JAK1: variants seen among roughly 807,000 people sequenced by gnomAD.
The protein encoded by JAK1 is tyrosine-protein kinase JAK1.
In JAK1, 16 loss-of-function variants were observed where a neutral mutation model predicts 136.6. The observed-to-expected ratio is 0.12, with a 90% CI of 0.08 to 0.18. The LOEUF is 0.18. JAK1 is among the 10% of genes least tolerant of loss of function. The pLI is 1.00. For synonymous variants in JAK1, 492 were observed against 519.5 expected (o/e 0.95, Z 0.72); for missense variants, 859 against 1,450.1 (o/e 0.59, Z 6.62).
intron 7 of JAK1, 72 bp downstream of exon 7, chr1:64,866,794 C>A: frequency 1.8e-6 from 2 of 1,138,898 alleles, no homozygotes; most frequent in Middle Eastern, 2.0e-4. Flanking sequence ...ACAGATGACT[C>A]CAGAAGGATA....
In JAK1 at chr1:64,931,037, T is replaced by A. The variant is rs145151447; in HGVS notation, c.-78+35296A>T. On this transcript the variant is annotated intron_variant, in intron 1 of 24. Coordinates refer to ENST00000342505, the MANE Select transcript of JAK1 (RefSeq NM_002227.4). ...AGGGGTGGGATGGCATTAGGAGAAA[T>A]ACCTAATGTAGATGACAGGTTGATG... Among the ~76,000 whole-genome samples, 1,288 of 152,088 alleles carry A rather than the reference T, an allele frequency of 8.5e-3. 21 individuals carry two copies. The highest frequency in any genetic ancestry group is 0.03 in the African/African-American group (1,230 of 41,460).
chr1:64,981,162 G>C (rs1279495588), intron 2 of JAK1, among the ~76,000 whole-genome samples: 1 of 152,144 alleles, frequency 6.6e-6, no homozygotes, highest in East Asian at 1.9e-4. Flanking sequence ...GTAACTCTAA[G>C]AGAAACCCAC....
chr1:65,064,946 C>T (rs1647974682), intron 1 of JAK1, among the ~76,000 whole-genome samples: 1 of 152,078 alleles, frequency 6.6e-6, no homozygotes, highest in African/African-American at 2.4e-5. Flanking sequence ...GTCTAGGTAC[C>T]CAACTCTAGA....
Position 64,835,475 on chromosome 1 carries a change from C to G in JAK1, c.3290G>C (p.Gly1097Ala). 6.2e-7 allele frequency: 1 copy of G among 1,604,092 alleles called. No individual in the cohort carries two copies. Among genetic ancestry groups the G allele is most frequent in the Non-Finnish European group, 8.5e-7 (1 of 1,176,520 alleles). Residue 1097 changes from glycine to alanine, a missense_variant, in exon 24 of 25, where the codon GGC (glycine) becomes GCC (alanine). By Grantham distance (60) the Gly-to-Ala change is moderately conservative. This residue lies in a region of JAK1 where 44 missense variants were observed against 137.6 expected (regional missense o/e 0.32). Coordinates refer to ENST00000342505, the MANE Select transcript of JAK1 (RefSeq NM_002227.4). ...CACAAGTCTTGTGACTGTCATCTGG[C>G]CATGGGTTGGGCCTATCATTTTCAG... ...LFLKMIGPTHGQMTVTRLVNT... is the reference protein window; with the variant it reads ...LFLKMIGPTHAQMTVTRLVNT...
intron 2 of JAK1, among the ~76,000 whole-genome samples, chr1:64,983,897 T>G (rs1646573362): frequency 6.6e-6 from 1 of 152,202 alleles, no homozygotes; most frequent in South Asian, 2.1e-4. Context: ...CTTAAGAGTT[T>G]CCACCTGAAG....
intron 1 of JAK1, among the ~76,000 whole-genome samples, chr1:64,946,086 T>C (rs1442344644): frequency 1.3e-5 from 2 of 152,058 alleles, no homozygotes; most frequent in East Asian, 1.9e-4. Context: ...CCAAACAAAA[T>C]ATCAATAACA....
chr1:64,840,774 G>T (rs1216258873), intron 19 of JAK1, among the ~76,000 whole-genome samples: 1 of 152,074 alleles, frequency 6.6e-6, no homozygotes. Context: ...TGAGGCTGCA[G>T]TGAGCTATGA....
At position 64,844,192 on chromosome 1, in the gene JAK1, T is replaced by C; in HGVS notation, c.2275A>G (p.Ile759Val). 1 of 1,614,124 alleles carries C rather than the reference T, an allele frequency of 6.2e-7. No individual in the cohort carries two copies. Among genetic ancestry groups the C allele is most frequent in the Admixed American group, 1.7e-5 (1 of 60,024 alleles). ...RQECIERIPW[I>V]APECVEDSKN... ...GAGTCCTCAACACACTCAGGAGCAA[T>C]CCATGGGATTCGTTCAATGCATTCT... The change falls in exon 17 of 25, where the codon ATT becomes GTT. Residue 759 changes from isoleucine to valine, a missense_variant. Transcript: ENST00000342505. The surrounding 1 kb of genome is among the most constrained non-coding windows in gnomAD (Gnocchi z 5.7).
rs1190397183 is a variant in JAK1, at chr1:64,866,912, A to G, written c.944T>C (p.Val315Ala). The change falls in exon 7 of 25, where the codon GTG becomes GCG. Residue 315 changes from valine to alanine, a missense_variant. By Grantham distance (64) the Val-to-Ala change is moderately conservative (BLOSUM62 0). Coordinates refer to ENST00000342505, the MANE Select transcript of JAK1 (RefSeq NM_002227.4). ...NDGGNVLYYE[V>A]MVTGNLGIQW... ...GATTCCAAGATTCCCAGTCACCATC[A>G]CTTCGTAGTAGAGAACGTTTCCACC... The G allele has an allele frequency of 6.2e-7, 1 of 1,613,570 alleles. No individual in the cohort carries two copies. Among genetic ancestry groups the G allele is most frequent in the Admixed American group, 1.7e-5 (1 of 60,018 alleles).
At chr1:64,951,087 G>A (rs1205031189) in intron 1 of JAK1, among the ~76,000 whole-genome samples, 1 of 152,116 alleles carries the variant, frequency 6.6e-6, no homozygotes, top group Non-Finnish European at 1.5e-5. Context: ...GGTTCATGGT[G>A]GGCCTGTTCT....
At chr1:64,965,393 G>A (rs1569767667) in intron 1 of JAK1, among the ~76,000 whole-genome samples, 2 of 152,100 alleles carry the variant, frequency 1.3e-5, no homozygotes, top group South Asian at 2.1e-4. Flanking sequence ...GAACACACAG[G>A]AAATCATGGA....
At chr1:64,848,396 G>A (rs560582098) in intron 12 of JAK1, among the ~76,000 whole-genome samples, 3 of 152,204 alleles carry the variant, frequency 2.0e-5, no homozygotes, top group Non-Finnish European at 2.9e-5. Flanking sequence ...GTGCATGCAC[G>A]CTAGGATTTA....
chr1:65,001,150 G>A (rs908857815), intron 2 of JAK1, among the ~76,000 whole-genome samples: 3 of 152,120 alleles, frequency 2.0e-5, no homozygotes, highest in African/African-American at 7.2e-5. Flanking sequence ...AAAATGGAGT[G>A]GACAATTTCC....
intron 1 of JAK1, among the ~76,000 whole-genome samples, chr1:64,899,469 A>G (rs775774761): frequency 6.6e-6 from 1 of 152,210 alleles, no homozygotes; most frequent in Non-Finnish European, 1.5e-5. Context: ...TTATAGAAAG[A>G]TATCACTGAA....
Position 64,986,117 on chromosome 1 carries a change from T to C in JAK1, c.-78+58363A>G. On this transcript the variant is annotated intron_variant, in intron 2 of 25. Transcript: ENST00000671954. ...ATGGCCTCAATCTAATTGTTTTTTT[T>C]TTTTTTGGACAGAGTTTCACTCTTG... 3.7e-6 allele frequency: 3 copies of C among 811,494 alleles called. 1 individual carries two copies. In the South Asian group the frequency reaches 4.5e-5, roughly 12 times the overall value. The allele number at this position is 811,494 out of a possible 1,614,324, so 50.3% of individuals were successfully genotyped here.
At chr1:64,839,127 C>A in intron 20 of JAK1, among the ~76,000 whole-genome samples, 1 of 107,728 alleles carries the variant, frequency 9.3e-6, no homozygotes. Flanking sequence ...GCCTGGGCCA[C>A]AGAGCGAGAC....
intron 1 of JAK1, among the ~76,000 whole-genome samples, chr1:65,066,995 C>T (rs1289705055): frequency 6.6e-6 from 1 of 152,172 alleles, no homozygotes; most frequent in African/African-American, 2.4e-5. Flanking sequence ...TTGCCACTGA[C>T]ACCCCAGCGA....
At chr1:64,889,681 T>A (rs926533034) in intron 1 of JAK1, among the ~76,000 whole-genome samples, 5 of 152,194 alleles carry the variant, frequency 3.3e-5, no homozygotes, top group African/African-American at 9.7e-5. Context: ...ATGTCAGAAA[T>A]TTTTCCAAGA....
intron 1 of JAK1, among the ~76,000 whole-genome samples, chr1:64,922,754 C>T (rs966699825): frequency 4.6e-5 from 7 of 152,128 alleles, no homozygotes; most frequent in Non-Finnish European, 8.8e-5. Context: ...AGTAAACAAG[C>T]TAATCATGAA....
Sources: allele counts gnomAD v4.1 joint callset (sites outside exome capture counted in the v4.1 genomes callset), GRCh38; gene constraint gnomAD v4.1.1; regional missense constraint gnomAD v4.1.1; non-coding constraint Gnocchi (gnomAD v3.1); transcripts MANE v1.5; gene names NCBI Gene and HGNC (gene_info 2026-07-23, HGNC 2026-07-21).